Variants in PPP2R2B observed in about 807,000 individuals in gnomAD.
PPP2R2B encodes serine/threonine-protein phosphatase 2A 55 kDa regulatory subunit B beta isoform.
PPP2R2B carries 5 observed loss-of-function variants against 46.0 expected under a neutral mutation model. That is an observed-to-expected ratio of 0.11 (90% CI 0.06 to 0.23). The LOEUF (loss-of-function observed/expected upper bound fraction) is 0.23, where lower values mean the gene tolerates loss of function less well. Among genes scored for constraint, PPP2R2B ranks in the 10% least tolerant of loss-of-function variants. The pLI is 1.00. For synonymous variants in PPP2R2B, 215 were observed against 206.7 expected, an observed-to-expected ratio of 1.04 and a Z score of -0.34; for missense variants, 367 against 575.0, an observed-to-expected ratio of 0.64 and a Z score of 3.70.
chr5:146,690,446 T>C (rs1025598733), intron 5 of PPP2R2B, among the ~76,000 whole-genome samples: 1 of 152,208 alleles, frequency 6.6e-6, no homozygotes, highest in African/African-American at 2.4e-5. Flanking sequence ...TATCTTACTA[T>C]ATTTAGTGCC....
chr5:146,772,414 A>ATATATG (rs1242151249), intron 2 of PPP2R2B, among the ~76,000 whole-genome samples: 9 of 86,180 alleles, frequency 1.0e-4, no homozygotes, highest in African/African-American at 6.4e-4. Context: ...ATATATATAT[A>ATATATG]TATATATATA....
At chr5:146,855,211 C>A (rs1760585107) in intron 2 of PPP2R2B, among the ~76,000 whole-genome samples, 1 of 152,108 alleles carries the variant, frequency 6.6e-6, no homozygotes, top group Non-Finnish European at 1.5e-5. Context: ...AGATGTAAGC[C>A]TTTTATTCAA....
intron 1 of PPP2R2B, among the ~76,000 whole-genome samples, chr5:146,928,868 T>G (rs1763876614): frequency 6.6e-6 from 1 of 152,198 alleles, no homozygotes; most frequent in Admixed American, 6.5e-5. Context: ...TCTTGCCACC[T>G]TCTTCAATTC....
At chr5:146,743,639 A>T (rs1452415462) in intron 2 of PPP2R2B, among the ~76,000 whole-genome samples, 2 of 152,058 alleles carry the variant, frequency 1.3e-5, no homozygotes, top group African/African-American at 2.4e-5. Flanking sequence ...TATTATTATT[A>T]TTTCCCTTTC....
At chr5:146,621,906 G>A (rs1773729816) in intron 7 of PPP2R2B, among the ~76,000 whole-genome samples, 1 of 152,210 alleles carries the variant, frequency 6.6e-6, no homozygotes, top group Non-Finnish European at 1.5e-5. Context: ...CTTGGTTAGA[G>A]AGTAAGAGGC....
intron 2 of PPP2R2B, among the ~76,000 whole-genome samples, chr5:146,862,961 T>C (rs1008530509): frequency 2.0e-5 from 3 of 151,502 alleles, no homozygotes; most frequent in South Asian, 4.2e-4. Context: ...TCTCAAATTG[T>C]GCTGAGGAAG....
At chr5:147,065,719 G>A (rs1395080820) in intron 2 of PPP2R2B, among the ~76,000 whole-genome samples, 3 of 152,056 alleles carry the variant, frequency 2.0e-5, no homozygotes, top group African/African-American at 7.2e-5. Flanking sequence ...GTGATAGAGT[G>A]CATGAGTATG....
intron 2 of PPP2R2B, among the ~76,000 whole-genome samples, chr5:146,768,329 C>T (rs1754620042): frequency 6.6e-6 from 1 of 152,160 alleles, no homozygotes; most frequent in Admixed American, 6.6e-5. Flanking sequence ...CTGCCCTGGA[C>T]TCCCAAAGTC....
intron 2 of PPP2R2B, among the ~76,000 whole-genome samples, chr5:146,752,428 T>C (rs1260283494): frequency 1.3e-5 from 2 of 152,246 alleles, no homozygotes; most frequent in Admixed American, 1.3e-4. Flanking sequence ...CTGCTCATTT[T>C]ATTTCTCAGA....
chr5:146,616,321 C>G (rs1446098080), intron 7 of PPP2R2B, among the ~76,000 whole-genome samples: 1 of 152,190 alleles, frequency 6.6e-6, no homozygotes, highest in Admixed American at 6.5e-5. Context: ...GGACATTGGA[C>G]TGGGCAAATA....
chr5:146,982,596 T>A (rs1236019582), intron 1 of PPP2R2B, among the ~76,000 whole-genome samples: 1 of 152,224 alleles, frequency 6.6e-6, no homozygotes, highest in Non-Finnish European at 1.5e-5. Flanking sequence ...TGATGTTCTC[T>A]GTCTAGTTGT....
intron 7 of PPP2R2B, among the ~76,000 whole-genome samples, chr5:146,621,556 T>G (rs1437790212): frequency 6.6e-6 from 1 of 152,128 alleles, no homozygotes; most frequent in Admixed American, 6.5e-5. Context: ...AAACCGCTGG[T>G]TTGGGCTTCA....
intron 2 of PPP2R2B, among the ~76,000 whole-genome samples, chr5:146,808,512 G>A (rs1757328916): frequency 6.6e-6 from 1 of 152,066 alleles, no homozygotes; most frequent in African/African-American, 2.4e-5. Flanking sequence ...TTCACTAAGA[G>A]GTAAGAGGCT....
intron 9 of PPP2R2B, among the ~76,000 whole-genome samples, chr5:146,590,938 A>G (rs1012911074): frequency 1.3e-5 from 2 of 152,240 alleles, no homozygotes; most frequent in Non-Finnish European, 2.9e-5. Flanking sequence ...CTTAATGGAC[A>G]GATGGTTTCC....
Position 146,871,975 on chromosome 5 carries a change from C to G in PPP2R2B, c.70+6027G>C, listed in dbSNP as rs1761639727. Reference sequence around the variant, plus strand: ...TACCTAGGAAAATGCCTGGAATAGACAGTACTCGCGATACCTTAGTTTCTT... The same window carrying G: ...TACCTAGGAAAATGCCTGGAATAGAGAGTACTCGCGATACCTTAGTTTCTT... On this transcript the variant is annotated intron_variant, in intron 2 of 9. Coordinates refer to ENST00000394411, the MANE Select transcript of PPP2R2B (RefSeq NM_181675.4). 2.6e-5 allele frequency among the ~76,000 whole-genome samples: 4 copies of G among 152,314 alleles called. No individual in the cohort carries two copies. In the South Asian group the frequency reaches 8.3e-4, roughly 32 times the overall value.
intron 2 of PPP2R2B, among the ~76,000 whole-genome samples, chr5:146,820,541 C>T (rs150419715): frequency 6.6e-6 from 1 of 152,084 alleles, no homozygotes; most frequent in Non-Finnish European, 1.5e-5. Context: ...TATAAAAGAG[C>T]AATGTGATCA....
At chr5:146,877,709 G>T in intron 2 of PPP2R2B, among the ~76,000 whole-genome samples, 1 of 152,124 alleles carries the variant, frequency 6.6e-6, no homozygotes, top group East Asian at 1.9e-4. Context: ...GGGGTCATCT[G>T]CCTTCCTGGG....
intron 1 of PPP2R2B, among the ~76,000 whole-genome samples, chr5:146,989,674 C>T (rs1753600094): frequency 6.6e-6 from 1 of 151,964 alleles, no homozygotes; most frequent in African/African-American, 2.4e-5. Flanking sequence ...AGGTTTTTCT[C>T]TAAGATCTAG....
chr5:147,008,896 C>T (rs1392926269), intron 1 of PPP2R2B, among the ~76,000 whole-genome samples: 9 of 152,184 alleles, frequency 5.9e-5, no homozygotes, highest in Non-Finnish European at 1.5e-5. Flanking sequence ...CATTCTGCTA[C>T]TCAGTTCTTA....
Sources: gnomAD v4.1 joint callset for allele counts (sites outside exome capture counted in the v4.1 genomes callset) on GRCh38, gnomAD v4.1.1 for gene constraint, MANE v1.5 for transcripts, NCBI Gene and HGNC (gene_info 2026-07-23, HGNC 2026-07-21) for gene names.